MYO1D: variants seen among roughly 807,000 people sequenced by gnomAD.
MYO1D encodes unconventional myosin-Id.
Under a neutral mutation model 122.0 loss-of-function variants are expected in MYO1D, and 83 were observed. The observed-to-expected ratio is 0.68, with a 90% CI of 0.57 to 0.82. The LOEUF is 0.82. Among genes scored for constraint, MYO1D ranks in the 40% least tolerant of loss-of-function variants. MYO1D has a pLI of 0.00. For synonymous variants in MYO1D, 464 were observed against 446.9 expected, an observed-to-expected ratio of 1.04 and a Z score of -0.48; for missense variants, 1,157 against 1,269.5, an observed-to-expected ratio of 0.91 and a Z score of 1.35.
intron 21 of MYO1D, among the ~76,000 whole-genome samples, chr17:32,508,733 G>A (rs1320753934): frequency 1.3e-5 from 2 of 152,162 alleles, no homozygotes; most frequent in Non-Finnish European, 2.9e-5. Flanking sequence ...GGCCCAAAGA[G>A]CCTAAGGACC....
chr17:32,729,177 G>GA (rs146197623), intron 14 of MYO1D, among the ~76,000 whole-genome samples: 30 of 151,330 alleles, frequency 2.0e-4, no homozygotes, highest in African/African-American at 5.6e-4. Flanking sequence ...TATTTTACGG[G>GA]AAAAAAAACA....
intron 1 of MYO1D, among the ~76,000 whole-genome samples, chr17:32,849,253 G>A (rs2090964509): frequency 6.7e-6 from 1 of 150,306 alleles, no homozygotes; most frequent in African/African-American, 2.5e-5. Flanking sequence ...GGAAGTCAGT[G>A]TGGCCATTCC....
At chr17:32,803,828 A>C (rs987617580) in intron 1 of MYO1D, among the ~76,000 whole-genome samples, 2 of 152,252 alleles carry the variant, frequency 1.3e-5, no homozygotes, top group African/African-American at 4.8e-5. Context: ...TTTTAAAGGA[A>C]TCTTACAGAG....
chr17:32,547,949 TAAA>T (rs10716642), intron 21 of MYO1D, among the ~76,000 whole-genome samples: 2 of 145,612 alleles, frequency 1.4e-5, no homozygotes, highest in Non-Finnish European at 1.5e-5. Flanking sequence ...GACCGTGTCT[TAAA>T]AAAAAAAAAA....
At chr17:32,819,370 T>TG (rs1046176126) in intron 1 of MYO1D, among the ~76,000 whole-genome samples, 2 of 152,148 alleles carry the variant, frequency 1.3e-5, no homozygotes, top group Non-Finnish European at 2.9e-5. Context: ...TCCCAGCTTC[T>TG]GCTTCTGCCT....
At chr17:32,795,896 T>C (rs1312884302) in intron 1 of MYO1D, among the ~76,000 whole-genome samples, 1 of 150,626 alleles carries the variant, frequency 6.6e-6, no homozygotes, top group East Asian at 2.0e-4. Flanking sequence ...GAGGCCATTT[T>C]AGGCCTCAGC....
chr17:32,871,966 T>C (rs904559767), intron 1 of MYO1D, among the ~76,000 whole-genome samples: 5 of 152,034 alleles, frequency 3.3e-5, no homozygotes, highest in African/African-American at 1.2e-4. Flanking sequence ...AGGACAGGGA[T>C]GTTGTGGTTA....
At chr17:32,630,108 A>G (rs750957657) in intron 20 of MYO1D, among the ~76,000 whole-genome samples, 22 of 152,246 alleles carry the variant, frequency 1.4e-4, no homozygotes, top group Admixed American at 5.2e-4. Flanking sequence ...GGTCACATAT[A>G]AAAATATTTA....
At position 32,764,855 on chromosome 17, in the gene MYO1D, C is replaced by T. The variant is rs566412155; in HGVS notation, c.1035+23G>A. 25 of 1,612,002 alleles carry T rather than the reference C, an allele frequency of 1.6e-5. No homozygotes were observed. In the Admixed American group the frequency reaches 2.8e-4, roughly 18 times the overall value. On this transcript the variant is annotated intron_variant, in intron 8 of 21. Transcript: ENST00000318217. ...TGCAACTGCGATCAACACCAGGTGA[C>T]ATAGGGTCAGTTACACTCTCACCTT... is the stretch of plus-strand genomic sequence containing the variant.
At chr17:32,569,226 G>C (rs1398189795) in intron 21 of MYO1D, among the ~76,000 whole-genome samples, 2 of 152,308 alleles carry the variant, frequency 1.3e-5, no homozygotes, top group Middle Eastern at 3.4e-3. Context: ...AGTAATATAT[G>C]AGCAATCTAT....
chr17:32,737,025 A>G (rs1047070767), intron 14 of MYO1D, among the ~76,000 whole-genome samples: 1 of 152,242 alleles, frequency 6.6e-6, no homozygotes, highest in Non-Finnish European at 1.5e-5. Context: ...AGGAGATAGA[A>G]AGCGACCGCA....
chr17:32,716,740 C>T (rs1385581003), intron 15 of MYO1D, among the ~76,000 whole-genome samples: 4 of 152,232 alleles, frequency 2.6e-5, no homozygotes, highest in African/African-American at 9.6e-5. Flanking sequence ...AACTGGATTG[C>T]TATCCTACAG....
chr17:32,754,975 T>C (rs2089932697), intron 11 of MYO1D, among the ~76,000 whole-genome samples: 1 of 152,252 alleles, frequency 6.6e-6, no homozygotes, highest in South Asian at 2.1e-4. Context: ...AGGATACCCA[T>C]TTATTTAATG....
At chr17:32,598,621 G>A (rs1022958069) in intron 21 of MYO1D, among the ~76,000 whole-genome samples, 2 of 152,158 alleles carry the variant, frequency 1.3e-5, no homozygotes, top group Non-Finnish European at 2.9e-5. Flanking sequence ...GGGTTTGGGT[G>A]CAGACCACTG....
chr17:32,799,792 G>A (rs1291037866), intron 1 of MYO1D, among the ~76,000 whole-genome samples: 1 of 152,060 alleles, frequency 6.6e-6, no homozygotes, highest in Non-Finnish European at 1.5e-5. Context: ...CCTACAAATT[G>A]TACTTTGGAA....
At chr17:32,789,186 T>C (rs188571281) in intron 1 of MYO1D, among the ~76,000 whole-genome samples, 1 of 152,334 alleles carries the variant, frequency 6.6e-6, no homozygotes, top group Admixed American at 6.5e-5. Flanking sequence ...AGGGGTTTTC[T>C]AGGTATATGA....
rs79015049 is a variant in MYO1D at position 32,633,940 on chromosome 17, G to A, written c.2709+4782C>T. Among the ~76,000 whole-genome samples, 329 of 151,918 alleles carry A rather than the reference G, an allele frequency of 2.2e-3. 8 individuals are homozygous for A. In the East Asian group the frequency reaches 0.055, roughly 25 times the overall value. ...ACCTTCTATGGACTATATCATGTGC[G>A]TATGTATATACATACACACACATAT... On this transcript the variant is annotated intron_variant, in intron 20 of 21. Transcript: ENST00000318217.
At chr17:32,811,048 A>G (rs1353471990) in intron 1 of MYO1D, among the ~76,000 whole-genome samples, 2 of 152,198 alleles carry the variant, frequency 1.3e-5, no homozygotes, top group Non-Finnish European at 2.9e-5. Flanking sequence ...AGAGAGGGAG[A>G]AGGCTATCAG....
chr17:32,552,211 G>A (rs1278002057), intron 21 of MYO1D, among the ~76,000 whole-genome samples: 1 of 152,106 alleles, frequency 6.6e-6, no homozygotes, highest in Non-Finnish European at 1.5e-5. Flanking sequence ...GAGTAGCTGG[G>A]ACTAGAGGCA....
Sources: gnomAD v4.1 joint callset for allele counts (sites outside exome capture counted in the v4.1 genomes callset) on GRCh38, gnomAD v4.1.1 for gene constraint, MANE v1.5 for transcripts, NCBI Gene and HGNC (gene_info 2026-07-23, HGNC 2026-07-21) for gene names.